Variants in CTSF observed in about 807,000 individuals in gnomAD.
CTSF encodes cathepsin F.
Under a neutral mutation model 63.5 loss-of-function variants are expected in CTSF, and 65 were observed. That is an observed-to-expected ratio of 1.02 (90% CI 0.84 to 1.26). The LOEUF is 1.26. Ranked by LOEUF, CTSF falls within the 50% of genes most tolerant of loss-of-function variation. CTSF has a pLI of 0.00. For missense variants in CTSF, 641 were observed against 631.0 expected (o/e 1.02, Z -0.17); for synonymous variants, 256 against 258.1 (o/e 0.99, Z 0.08).
At position 66,568,327 on chromosome 11, in the gene CTSF, G is replaced by C. The variant is rs776443007; in HGVS notation, c.160C>G (p.Arg54Gly). 331 of 1,315,406 alleles carry C rather than the reference G, an allele frequency of 2.5e-4. No individual in the cohort carries two copies. Among genetic ancestry groups the C allele is most frequent in the Non-Finnish European group, 3.0e-4 (314 of 1,042,650 alleles). The allele number at this position is 1,315,406 out of a possible 1,614,324, so 81.5% of individuals were successfully genotyped here. Reference protein sequence around the residue: ...RFALEMFNRGRAAGTRAVLGL... With the variant: ...RFALEMFNRGGAAGTRAVLGL... ...AGCACGGCCCGCGTCCCCGCAGCCC[G>C]GCCGCGGTTGAACATCTCCAGCGCG... Residue 54 changes from arginine (R) to glycine (G), a missense_variant, in exon 1 of 13, where the codon CGG (arginine) becomes GGG (glycine). By Grantham distance (125) the Arg-to-Gly change is moderately radical. Transcript: ENST00000310325.
intron 6 of CTSF, 47 bp from the exon 7 acceptor site, chr11:66,565,974 A>G: frequency 1.2e-6 from 2 of 1,614,110 alleles, no homozygotes; most frequent in East Asian, 4.5e-5. Context: ...CCCCTTCGTC[A>G]GCCCCAGTGC....
chr11:66,563,523 A>G lies in CTSF; in HGVS notation c.*410T>C, dbSNP rs1857852614. The G allele has an allele frequency of 4.5e-6, 2 of 440,434 alleles. No individual in the cohort carries two copies. Among genetic ancestry groups the G allele is most frequent in the Non-Finnish European group, 8.1e-6 (2 of 246,754 alleles). The allele number at this position is 440,434 out of a possible 1,614,324, so 27.3% of individuals were successfully genotyped here. A position where few individuals can be genotyped will look rare whatever the true frequency, so the allele number is the denominator to read the frequency against. ...AAGGGTGGTTACAAGTTTCCTGGAC[A>G]TGGAGAGGGACACTATCCCTAAATC... On this transcript the variant is annotated 3_prime_UTR_variant, in exon 13 of 13. Coordinates refer to ENST00000310325, the MANE Select transcript of CTSF (RefSeq NM_003793.4).
Position 66,565,824 on chromosome 11 carries a change from T to C in CTSF, c.964+7A>G, listed in dbSNP as rs767265591. ...CTGGGGACAGAGGAGTAGAGCGAGA[T>C]GCTCACCCTGTTCAGAGAGGGAGAG... On this transcript the variant is annotated splice_region_variant and intron_variant, in intron 7 of 12. Coordinates refer to ENST00000310325, the MANE Select transcript of CTSF (RefSeq NM_003793.4). The C allele has an allele frequency of 6.2e-7, 1 of 1,613,934 alleles. No homozygotes were observed. Among genetic ancestry groups the C allele is most frequent in the Admixed American group, 1.7e-5 (1 of 60,020 alleles).
Position 66,568,565 on chromosome 11 carries a change from C to G in CTSF, c.-79G>C. The G allele has an allele frequency of 7.1e-7, 1 of 1,413,996 alleles. No individual in the cohort carries two copies. Among genetic ancestry groups the G allele is most frequent in the Non-Finnish European group, 9.2e-7 (1 of 1,082,266 alleles). 87.6% of individuals were successfully genotyped at this position (1,413,996 alleles called of 1,614,324 possible). On this transcript the variant is annotated 5_prime_UTR_variant, in exon 1 of 13. Coordinates refer to ENST00000310325, the MANE Select transcript of CTSF (RefSeq NM_003793.4). ...GGTACCGAGCCCGCGGCCAGCGGGG[C>G]CTGAGTCCTCCCTCCAGCGGGGCGA...
At position 66,568,573 on chromosome 11, in the gene CTSF, C is replaced by G. The variant is rs1366816794; in HGVS notation, c.-87G>C. 1 of 1,393,410 alleles carries G rather than the reference C, an allele frequency of 7.2e-7. No homozygotes were observed. Among genetic ancestry groups the G allele is most frequent in the Non-Finnish European group, 9.3e-7 (1 of 1,070,492 alleles). The allele number at this position is 1,393,410 out of a possible 1,614,324, so 86.3% of individuals were successfully genotyped here. A position where few individuals can be genotyped will look rare whatever the true frequency, so the allele number is the denominator to read the frequency against. On this transcript the variant is annotated 5_prime_UTR_variant, in exon 1 of 13. Coordinates refer to ENST00000310325, the MANE Select transcript of CTSF (RefSeq NM_003793.4). ...GCCCGCGGCCAGCGGGGCCTGAGTC[C>G]TCCCTCCAGCGGGGCGACGGCACGC...
rs1172504865 is a variant in CTSF, at chr11:66,568,263, C to T, written c.213+11G>A. ...CCGGGCCTGGCGCCCCCGCCCCCGG[C>T]GCGTCCTCACCCGGCGGACGCGGCC... On this transcript the variant is annotated intron_variant, in intron 1 of 12. Transcript: ENST00000310325. The T allele has an allele frequency of 6.6e-6, 10 of 1,511,238 alleles. No individual in the cohort carries two copies. Among genetic ancestry groups the T allele is most frequent in the Middle Eastern group, 4.7e-4 (2 of 4,280 alleles). 93.6% of individuals were successfully genotyped at this position (1,511,238 alleles called of 1,614,324 possible). A position where few individuals can be genotyped will look rare whatever the true frequency, so the allele number is the denominator to read the frequency against.
At chr11:66,566,617 C>G (rs574789362) in intron 4 of CTSF, among the ~76,000 whole-genome samples, 3 of 152,176 alleles carry the variant, frequency 2.0e-5, no homozygotes, top group South Asian at 2.1e-4. Flanking sequence ...CTAAAGGACA[C>G]CACCCACAAG....
At position 66,564,570 on chromosome 11, in the gene CTSF, C is replaced by G; in HGVS notation, c.1309G>C (p.Gly437Arg). 1 of 1,569,024 alleles carries G rather than the reference C, an allele frequency of 6.4e-7. No individual in the cohort carries two copies. The highest frequency in any genetic ancestry group is 8.6e-7 in the Non-Finnish European group (1 of 1,157,588). ...WLIDHAVLLV[G>R]YGNRSDVPFW... is the part of the protein sequence containing the mutation. ...CAGCGGAACTCACGGTTGCCGTAGC[C>G]CACAAGCAACACCGCATGGTCAATG... Residue 437 changes from glycine (G) to arginine (R), a missense_variant, in exon 11 of 13, where the codon GGC (glycine) becomes CGC (arginine). Coordinates refer to ENST00000310325, the MANE Select transcript of CTSF (RefSeq NM_003793.4).
At position 66,565,939 on chromosome 11, in the gene CTSF, G is replaced by A. The variant is rs1857919561; in HGVS notation, c.868-12C>T. On this transcript the variant is annotated splice_polypyrimidine_tract_variant and intron_variant, in intron 6 of 12. Transcript: ENST00000310325. ...GAGCCACACATGCCCTACAAGAGAT[G>A]GGTGGAGTTGGAGTCAGAGCCGGGC... 6.2e-7 allele frequency: 1 copy of A among 1,614,152 alleles called. No individual in the cohort carries two copies. Among genetic ancestry groups the A allele is most frequent in the Non-Finnish European group, 8.5e-7 (1 of 1,180,022 alleles).
Position 66,566,160 on chromosome 11 carries a change from C to A in CTSF, c.729G>T (p.Glu243Asp). 1 of 1,614,100 alleles carries A rather than the reference C, an allele frequency of 6.2e-7. No individual in the cohort carries two copies. Among genetic ancestry groups the A allele is most frequent in the Non-Finnish European group, 8.5e-7 (1 of 1,179,978 alleles). Residue 243 changes from glutamate (E) to aspartate (D), a missense_variant, in exon 6 of 13, where the codon GAG (glutamate) becomes GAT (aspartate). Physicochemically the swap from Glu to Asp is conservative, Grantham distance 45. Transcript: ENST00000310325. Reference protein sequence around the residue: ...VTKFSDLTEEEFRTIYLNTLL... With the variant: ...VTKFSDLTEEDFRTIYLNTLL... The stretch of plus-strand genomic sequence containing the variant: ...GAGTATTCAGGTAGATAGTGCGGAA[C>A]TCCTCCTCTGCGGGCAAAGGTGGGC...
At position 66,568,063 on chromosome 11, in the gene CTSF, T is replaced by C; in HGVS notation, c.233A>G (p.Tyr78Cys). 1 of 1,601,946 alleles carries C rather than the reference T, an allele frequency of 6.2e-7. No individual in the cohort carries two copies. Among genetic ancestry groups the C allele is most frequent in the Middle Eastern group, 1.8e-4 (1 of 5,636 alleles). The change falls in exon 2 of 13, where the codon TAC becomes TGC. Residue 78 changes from tyrosine to cysteine, a missense_variant. Transcript: ENST00000310325. ...RVRRAGQGSL[Y>C]SLEATLEEPP... ...CTCCTCCAGGGTGGCCTCCAGGGAG[T>C]ACAGCGACCCCTGACCCGCCTGGAG...
chr11:66,564,642 G>C lies in CTSF; in HGVS notation c.1237C>G (p.Arg413Gly). ...AINAFGMQFY[R>G]HGISRPLRPL... is the part of the protein sequence containing the mutation. The stretch of plus-strand genomic sequence containing the variant: ...CGGAGAGGGCGGGAGATCCCGTGGC[G>C]GTAAAACTGGAGGTGGAGAAGGAGT... Residue 413 changes from arginine (R) to glycine (G), a missense_variant, in exon 11 of 13, where the codon CGC (arginine) becomes GGC (glycine). Transcript: ENST00000310325. 6.2e-7 allele frequency: 1 copy of C among 1,610,562 alleles called. No homozygotes were observed. Among genetic ancestry groups the C allele is most frequent in the South Asian group, 1.1e-5 (1 of 90,572 alleles).
At position 66,565,656 on chromosome 11, in the gene CTSF, C is replaced by T; in HGVS notation, c.1045+15G>A. 1 of 1,613,104 alleles carries T rather than the reference C, an allele frequency of 6.2e-7. No individual in the cohort carries two copies. Among genetic ancestry groups the T allele is most frequent in the Non-Finnish European group, 8.5e-7 (1 of 1,180,024 alleles). ...AGTGGCTCCGGTTGCCCCTCCTGAC[C>T]CCATTAATGCATACCCAAATTCTTT... is the stretch of plus-strand genomic sequence containing the variant. On this transcript the variant is annotated intron_variant, in intron 8 of 12. Transcript: ENST00000310325.
Position 66,565,934 on chromosome 11 carries a change from G to A in CTSF, c.868-7C>T, listed in dbSNP as rs1857919446. 2 of 1,614,102 alleles carry A rather than the reference G, an allele frequency of 1.2e-6. No individual in the cohort carries two copies. Among genetic ancestry groups the A allele is most frequent in the Middle Eastern group, 1.6e-4 (1 of 6,062 alleles). On this transcript the variant is annotated splice_polypyrimidine_tract_variant and splice_region_variant and intron_variant, in intron 6 of 12. Coordinates refer to ENST00000310325, the MANE Select transcript of CTSF (RefSeq NM_003793.4). ...AGCAGGAGCCACACATGCCCTACAA[G>A]AGATGGGTGGAGTTGGAGTCAGAGC...
Position 66,566,343 on chromosome 11 carries a change from G to A in CTSF, c.669C>T (p.Ala223=). Residue 223 remains alanine, a synonymous_variant, in exon 5 of 13, where the codon GCC becomes GCT. Transcript: ENST00000310325. ...CATACTGAGCTGTGCCACGGTCCAG[G>A]GCCTGGATCTTCTGTGCTCGCACCA... The part of the protein sequence containing the change: ...NNMVRAQKIQ[A]LDRGTAQYGV... The A allele has an allele frequency of 6.2e-7, 1 of 1,614,116 alleles. No homozygotes were observed. The highest frequency in any genetic ancestry group is 1.1e-5 in the South Asian group (1 of 91,078).
chr11:66,567,694 C>A (rs990778359), intron 2 of CTSF, 32 bp from the exon 3 acceptor site: 5 of 1,598,044 alleles, frequency 3.1e-6, no homozygotes, highest in Non-Finnish European at 4.3e-6. Context: ...GCTCTGGGGG[C>A]CTGGATCTGG....
At chr11:66,566,483 G>A (rs1026507097) in intron 4 of CTSF, 79 bp from the exon 5 acceptor site, 78 of 1,344,278 alleles carry the variant, frequency 5.8e-5, no homozygotes, top group African/African-American at 3.6e-4. Flanking sequence ...AGCAGGCAGG[G>A]GTTTCCCCGG....
chr11:66,564,160 C>T lies in CTSF; in HGVS notation c.1322-14G>A, dbSNP rs759434213. The T allele has an allele frequency of 4.4e-6, 7 of 1,607,444 alleles. No homozygotes were observed. The Admixed American group carries it at 5.1e-5, about 12-fold the overall frequency. On this transcript the variant is annotated splice_polypyrimidine_tract_variant and intron_variant, in intron 11 of 12. Coordinates refer to ENST00000310325, the MANE Select transcript of CTSF (RefSeq NM_003793.4). ...GAACGTCAGAGCCTGGGGTGCAGTG[C>T]AGAGCGCAAGGATCAGGGTCCTTAA...
Position 66,563,630 on chromosome 11 carries a change from T to C in CTSF, c.*303A>G. On this transcript the variant is annotated 3_prime_UTR_variant, in exon 13 of 13. Transcript: ENST00000310325. ...CTGGGCTTAAGATCAGAAAATTTTC[T>C]TCCTGCTCATTACCCAAGCCCAGAG... 1.8e-6 allele frequency: 1 copy of C among 547,060 alleles called. No individual in the cohort carries two copies. Among genetic ancestry groups the C allele is most frequent in the Non-Finnish European group, 3.3e-6 (1 of 305,840 alleles). The allele number at this position is 547,060 out of a possible 1,614,324, so 33.9% of individuals were successfully genotyped here.
Sources: gnomAD v4.1 joint callset for allele counts (sites outside exome capture counted in the v4.1 genomes callset) on GRCh38, gnomAD v4.1.1 for gene constraint, MANE v1.5 for transcripts, NCBI Gene and HGNC (gene_info 2026-07-23, HGNC 2026-07-21) for gene names.